TENM3: variants seen among roughly 807,000 people sequenced by gnomAD.
The protein encoded by TENM3 is teneurin transmembrane protein 3.
TENM3 carries 63 observed loss-of-function variants against 255.1 expected under a neutral mutation model. That is an observed-to-expected ratio of 0.25 (90% CI 0.20 to 0.30). The LOEUF is 0.30. TENM3 is among the 10% of genes least tolerant of loss of function. The probability of loss-of-function intolerance (pLI) is 1.00; values close to 1 mark genes in which losing one functional copy is unlikely to be tolerated. For synonymous variants in TENM3, 1,306 were observed against 1,322.3 expected (o/e 0.99, Z 0.27); for missense variants, 2,929 against 3,461.1 (o/e 0.85, Z 3.86).
the TENM3 span, among the ~76,000 whole-genome samples, chr4:182,049,534 C>T: frequency 6.6e-6 from 1 of 152,254 alleles, no homozygotes; most frequent in African/African-American, 2.4e-5. Flanking sequence ...CCATTAGCTT[C>T]AGCGGGGAAG....
the TENM3 span, among the ~76,000 whole-genome samples, chr4:182,111,005 A>T: frequency 1.3e-5 from 2 of 152,168 alleles, no homozygotes; most frequent in African/African-American, 4.8e-5. Context: ...AGCATATTGA[A>T]TGCTTCCATG....
At chr4:181,622,896 T>A in the TENM3 span, among the ~76,000 whole-genome samples, 1 of 152,102 alleles carries the variant, frequency 6.6e-6, no homozygotes, top group South Asian at 2.1e-4. Flanking sequence ...TCTCCCAGAA[T>A]TAATTCTTAA....
At chr4:181,579,933 A>AATTTTATTTTATTTTATTTT in the TENM3 span, among the ~76,000 whole-genome samples, 6 of 126,576 alleles carry the variant, frequency 4.7e-5, no homozygotes, top group African/African-American at 1.7e-4. Flanking sequence ...AAGTACCTAC[A>AATTTTATTTTATTTTATTTT]ATTTTATTTT....
At chr4:181,575,781 C>T in the TENM3 span, among the ~76,000 whole-genome samples, 19 of 152,124 alleles carry the variant, frequency 1.2e-4, no homozygotes, top group South Asian at 6.2e-4. Context: ...TCCTGACTTC[C>T]GCTGCTCCAT....
At chr4:181,595,444 A>AAAAAAAAACAAAAAAAAAC in the TENM3 span, among the ~76,000 whole-genome samples, 1 of 129,530 alleles carries the variant, frequency 7.7e-6, no homozygotes, top group Non-Finnish European at 1.6e-5. Flanking sequence ...AAAAAAAAAA[A>AAAAAAAAACAAAAAAAAAC]AAAAAAAAAA....
At chr4:182,152,395 T>C (rs1750406916) in intron 1 of TENM3, among the ~76,000 whole-genome samples, 1 of 152,008 alleles carries the variant, frequency 6.6e-6, no homozygotes, top group African/African-American at 2.4e-5. Context: ...GTTACTTGTA[T>C]GTAAGGTATA....
chr4:181,569,984 G>A, the TENM3 span, among the ~76,000 whole-genome samples: 1 of 150,652 alleles, frequency 6.6e-6, no homozygotes, highest in Non-Finnish European at 1.5e-5. Context: ...GTAAAAGAGA[G>A]TTCAAGACCA....
At chr4:181,700,485 C>T in the TENM3 span, among the ~76,000 whole-genome samples, 2 of 152,130 alleles carry the variant, frequency 1.3e-5, no homozygotes, top group Non-Finnish European at 2.9e-5. Context: ...TTGGATTTGG[C>T]ATGTTTTCAT....
chr4:182,339,493 G>C (rs1389132529), intron 2 of TENM3, among the ~76,000 whole-genome samples: 3 of 152,128 alleles, frequency 2.0e-5, no homozygotes, highest in Non-Finnish European at 4.4e-5. Context: ...CTTCTTTCAG[G>C]CTCGGCAGCC....
At chr4:181,556,981 A>C in the TENM3 span, among the ~76,000 whole-genome samples, 1 of 152,156 alleles carries the variant, frequency 6.6e-6, no homozygotes, top group African/African-American at 2.4e-5. Flanking sequence ...GATGTAAAAA[A>C]TCTTGTTATT....
At chr4:182,047,166 A>G in the TENM3 span, among the ~76,000 whole-genome samples, 1 of 152,208 alleles carries the variant, frequency 6.6e-6, no homozygotes, top group Admixed American at 6.5e-5. Flanking sequence ...GGTCATGTCT[A>G]GTTTCAGAGA....
At chr4:181,839,043 G>A in the TENM3 span, among the ~76,000 whole-genome samples, 3 of 151,398 alleles carry the variant, frequency 2.0e-5, no homozygotes, top group Non-Finnish European at 4.4e-5. Flanking sequence ...ACAAGTTTGG[G>A]TAAATCGGTA....
chr4:181,952,859 A>G, the TENM3 span, among the ~76,000 whole-genome samples: 1 of 152,062 alleles, frequency 6.6e-6, no homozygotes, highest in Non-Finnish European at 1.5e-5. Context: ...TTTTACATTC[A>G]CCTCTAATTA....
chr4:182,635,056 G>A (rs1751733622), intron 5 of TENM3, among the ~76,000 whole-genome samples: 1 of 152,140 alleles, frequency 6.6e-6, no homozygotes, highest in Non-Finnish European at 1.5e-5. Flanking sequence ...TTAATTTCGT[G>A]AGCATCTCTG....
At chr4:182,243,626 A>G (rs1410532635) in intron 1 of TENM3, 150 bp downstream of exon 1, 1 of 151,794 alleles carries the variant, frequency 6.6e-6, no homozygotes, top group Non-Finnish European at 1.5e-5. Flanking sequence ...GGAAAAAAGT[A>G]GTTGAAGATG....
At chr4:182,353,737 G>A (rs1019595177) in intron 3 of TENM3, among the ~76,000 whole-genome samples, 1 of 152,200 alleles carries the variant, frequency 6.6e-6, no homozygotes, top group African/African-American at 2.4e-5. Context: ...GGAGGCCAAG[G>A]CGGGTGGATC....
At chr4:181,509,833 A>C in the TENM3 span, among the ~76,000 whole-genome samples, 3 of 152,254 alleles carry the variant, frequency 2.0e-5, no homozygotes, top group Non-Finnish European at 4.4e-5. Context: ...GAGTGAATCC[A>C]TCCTTCCCCT....
chr4:181,668,987 T>C, the TENM3 span, among the ~76,000 whole-genome samples: 2 of 152,176 alleles, frequency 1.3e-5, no homozygotes, highest in African/African-American at 4.8e-5. Context: ...TAGAGAATAT[T>C]CTCTGTTACC....
At chr4:182,316,922 T>C (rs936611404) in intron 1 of TENM3, among the ~76,000 whole-genome samples, 7 of 152,342 alleles carry the variant, frequency 4.6e-5, no homozygotes, top group Admixed American at 4.6e-4. Flanking sequence ...TTCAAGGCAG[T>C]AAGCAGGTGT....
Sources: gnomAD v4.1 joint callset for allele counts (sites outside exome capture counted in the v4.1 genomes callset) on GRCh38, gnomAD v4.1.1 for gene constraint, MANE v1.5 for transcripts, NCBI Gene and HGNC (gene_info 2026-07-23, HGNC 2026-07-21) for gene names.